The following CDC42BPB variants were observed in gnomAD, a reference collection of about 807,000 sequenced individuals.
CDC42BPB encodes serine/threonine-protein kinase MRCK beta.
CDC42BPB carries 37 observed loss-of-function variants against 214.9 expected under a neutral mutation model. That is an observed-to-expected ratio of 0.17 (90% CI 0.13 to 0.23). CDC42BPB has a LOEUF of 0.23. Among genes scored for constraint, CDC42BPB ranks in the 10% least tolerant of loss-of-function variants. CDC42BPB has a pLI of 1.00. For missense variants in CDC42BPB, 1,694 were observed against 2,227.0 expected (o/e 0.76, Z 4.82); for synonymous variants, 931 against 884.0 (o/e 1.05, Z -0.94).
intron 1 of CDC42BPB, among the ~76,000 whole-genome samples, chr14:103,016,467 G>T (rs540109718): frequency 9.4e-6 from 1 of 106,896 alleles, no homozygotes; most frequent in African/African-American, 3.2e-5. Context: ...CATCAGTGCC[G>T]GTGAAGCAGG....
Position 102,933,814 on chromosome 14 carries a change from AGTTGAGT to A in CDC42BPB, c.5027_5033del (p.His1676LeufsTer83). 1 of 1,518,838 alleles carries A rather than the reference AGTTGAGT, an allele frequency of 6.6e-7. No homozygotes were observed. The highest frequency in any genetic ancestry group is 8.8e-7 in the Non-Finnish European group (1 of 1,141,958). 94.1% of individuals were successfully genotyped at this position (1,518,838 alleles called of 1,614,324 possible). A position where few individuals can be genotyped will look rare whatever the true frequency, so the allele number is the denominator to read the frequency against. On this transcript the variant is annotated frameshift_variant, in exon 37 of 37. Coordinates refer to ENST00000361246, the MANE Select transcript of CDC42BPB (RefSeq NM_006035.4). LOFTEE classifies it high-confidence loss of function. ...CGCTGGGGTTGGAGCTATTCGATGG[AGTTGAGT>A]GTTTGGTGGAGTCCGAATCAGGCTG...
At chr14:103,024,429 G>T (rs184448078) in intron 1 of CDC42BPB, among the ~76,000 whole-genome samples, 1 of 152,264 alleles carries the variant, frequency 6.6e-6, no homozygotes, top group African/African-American at 2.4e-5. Flanking sequence ...TTCCTACCCC[G>T]CATTAAGAAG....
chr14:102,944,598 C>T lies in CDC42BPB; in HGVS notation c.3812-111G>A. ...GAACACTCTGGGGCCCTCCCCTGGGCTCCCTTCCTGTGTGCACAGCCTGAG... is the reference window on the plus strand; with the variant it reads ...GAACACTCTGGGGCCCTCCCCTGGGTTCCCTTCCTGTGTGCACAGCCTGAG... On this transcript the variant is annotated intron_variant, in intron 29 of 36. Coordinates refer to ENST00000361246, the MANE Select transcript of CDC42BPB (RefSeq NM_006035.4). This position sits in a 1 kb window ranked among gnomAD's most constrained non-coding sequence, Gnocchi z 6.6. The T allele has an allele frequency of 1.3e-6, 2 of 1,482,576 alleles. No individual in the cohort carries two copies. Among genetic ancestry groups the T allele is most frequent in the Non-Finnish European group, 1.8e-6 (2 of 1,118,482 alleles). 91.8% of individuals were successfully genotyped at this position (1,482,576 alleles called of 1,614,324 possible). A position where few individuals can be genotyped will look rare whatever the true frequency, so the allele number is the denominator to read the frequency against.
chr14:102,986,429 C>T (rs1894250291), intron 6 of CDC42BPB, 58 bp downstream of exon 6: 3 of 1,214,342 alleles, frequency 2.5e-6, no homozygotes, highest in Non-Finnish European at 3.6e-6. Context: ...GAAAACTTCC[C>T]TTCTGACTAT....
chr14:102,977,138 G>A (rs1893783666), intron 9 of CDC42BPB, among the ~76,000 whole-genome samples: 1 of 151,942 alleles, frequency 6.6e-6, no homozygotes, highest in African/African-American at 2.4e-5. Context: ...TCAGGAGATC[G>A]AGACCATCTG....
rs1470184457 is a variant in CDC42BPB at position 102,954,352 on chromosome 14, C to G, written c.2989-77G>C. The G allele has an allele frequency of 4.8e-6, 7 of 1,446,636 alleles. No individual in the cohort carries two copies. The African/African-American group carries it at 8.6e-5, about 18-fold the overall frequency. The allele number at this position is 1,446,636 out of a possible 1,614,324, so 89.6% of individuals were successfully genotyped here. On this transcript the variant is annotated intron_variant, in intron 22 of 36. Coordinates refer to ENST00000361246, the MANE Select transcript of CDC42BPB (RefSeq NM_006035.4). ...ACACCTGGCCCTACGGGGTGCACTT[C>G]TCTCAAGAATGTGTTAACAGTGAAC...
chr14:102,942,245 T>A (rs1205170885), intron 30 of CDC42BPB, among the ~76,000 whole-genome samples: 1 of 152,118 alleles, frequency 6.6e-6, no homozygotes, highest in East Asian at 1.9e-4. Flanking sequence ...ATGTCTGCTG[T>A]GGTGTGGCCA....
intron 32 of CDC42BPB, 30 bp downstream of exon 32, chr14:102,940,016 C>T (rs1891819076): frequency 1.2e-6 from 2 of 1,613,918 alleles, no homozygotes; most frequent in Non-Finnish European, 1.7e-6. Context: ...ACTTCCCTTC[C>T]CTCCACTCCC....
rs1595445823 is a variant in CDC42BPB at position 102,940,314 on chromosome 14, G to A, written c.4419C>T (p.Pro1473=). 1 of 1,572,900 alleles carries A rather than the reference G, an allele frequency of 6.4e-7. No homozygotes were observed. The highest frequency in any genetic ancestry group is 8.6e-7 in the Non-Finnish European group (1 of 1,159,252). The change falls in exon 31 of 37, where the codon CCC becomes CCT. Residue 1473 remains proline (P), a synonymous_variant. Coordinates refer to ENST00000361246, the MANE Select transcript of CDC42BPB (RefSeq NM_006035.4). ...ACTCGCTGTACACCGTGACGTGGGT[G>A]GGGCTGCAACCTAGCGCAGACGGAG... ...PAAPVACSCS[P]THVTVYSEYG... is the part of the protein sequence containing the mutation.
chr14:102,990,897 C>A (rs1332635157), intron 5 of CDC42BPB, among the ~76,000 whole-genome samples: 1 of 152,206 alleles, frequency 6.6e-6, no homozygotes. Context: ...TGTAGCCACA[C>A]TGATCACAAA....
chr14:102,963,314 G>T (rs532546985), intron 19 of CDC42BPB, 159 bp from the exon 20 acceptor site: 2 of 980,150 alleles, frequency 2.0e-6, no homozygotes, highest in African/African-American at 1.8e-5. Flanking sequence ...CAAACACCAT[G>T]AACAGTACGA....
intron 1 of CDC42BPB, among the ~76,000 whole-genome samples, chr14:103,053,347 AAAAAAAAAAG>A (rs1888722172): frequency 6.7e-6 from 1 of 149,306 alleles, no homozygotes. Context: ...ACTCCGTCTC[AAAAAAAAAAG>A]AAAAGAAAAG....
chr14:103,037,001 TAG>T lies in CDC42BPB; in HGVS notation c.175+19996_175+19997del, dbSNP rs541347829. Among the ~76,000 whole-genome samples, 19 of 152,064 alleles carry T rather than the reference TAG, an allele frequency of 1.2e-4. No individual in the cohort carries two copies. In the East Asian group the frequency reaches 3.7e-3, roughly 29 times the overall value. ...CAGCTAATTTTTGTGTTTTTTTTTG[TAG>T]AGACAGGGTTTCGCTATGCTGCCCA... On this transcript the variant is annotated intron_variant, in intron 1 of 36. Coordinates refer to ENST00000361246, the MANE Select transcript of CDC42BPB (RefSeq NM_006035.4).
rs981666276 is a variant in CDC42BPB at position 102,956,909 on chromosome 14, T to G, written c.2902-2221A>C. ...TAAATCAATTATGGGCCAGGCATGG[T>G]GGCTCACACCTGTAATCCCAGCACT... On this transcript the variant is annotated intron_variant, in intron 21 of 36. Transcript: ENST00000361246. Among the ~76,000 whole-genome samples, 2 of 150,538 alleles carry G rather than the reference T, an allele frequency of 1.3e-5. 1 individual carries two copies. Among genetic ancestry groups the G allele is most frequent in the Non-Finnish European group, 2.9e-5 (2 of 67,830 alleles).
In CDC42BPB at chr14:102,933,799, G is replaced by A. The variant is rs772966692; in HGVS notation, c.5049C>T (p.Ser1683=). The A allele has an allele frequency of 6.0e-6, 9 of 1,511,748 alleles. No individual in the cohort carries two copies. The highest frequency in any genetic ancestry group is 6.1e-6 in the Non-Finnish European group (7 of 1,140,502). The allele number at this position is 1,511,748 out of a possible 1,614,324, so 93.6% of individuals were successfully genotyped here. The change falls in exon 37 of 37, where the codon TCC becomes TCT. Residue 1683 remains serine (S), a synonymous_variant. Coordinates refer to ENST00000361246, the MANE Select transcript of CDC42BPB (RefSeq NM_006035.4). ...TGGGGCTCGGTGGGCCGCTGGGGTTGGAGCTATTCGATGGAGTTGAGTGTT... is the reference window on the plus strand; with the variant it reads ...TGGGGCTCGGTGGGCCGCTGGGGTTAGAGCTATTCGATGGAGTTGAGTGTT... ...STKHSTPSNS[S]NPSGPPSPNS...
rs1315568094 is a variant in CDC42BPB, at chr14:102,952,484, G to C, written c.3172+14C>G. ...GCTGTGCACGCTGACCCCAGGAGCT[G>C]CAACGACACTCACCCTCGCAGGCGT... On this transcript the variant is annotated intron_variant, in intron 24 of 36. Coordinates refer to ENST00000361246, the MANE Select transcript of CDC42BPB (RefSeq NM_006035.4). 1 of 1,573,484 alleles carries C rather than the reference G, an allele frequency of 6.4e-7. No homozygotes were observed. The highest frequency in any genetic ancestry group is 1.3e-5 in the African/African-American group (1 of 74,196).
rs755233914 is a variant in CDC42BPB, at chr14:102,974,042, G to C, written c.1615C>G (p.Arg539Gly). 2 of 1,611,392 alleles carry C rather than the reference G, an allele frequency of 1.2e-6. No individual in the cohort carries two copies. The highest frequency in any genetic ancestry group is 3.4e-5 in the Admixed American group (2 of 59,004). The change falls in exon 12 of 37, where the codon CGG (arginine) becomes GGG (glycine). Residue 539 changes from arginine to glycine, a missense_variant. Arg to Gly is a moderately radical substitution (Grantham distance 125, BLOSUM62 -2). Coordinates refer to ENST00000361246, the MANE Select transcript of CDC42BPB (RefSeq NM_006035.4). The part of the protein sequence containing the change: ...RGLEKQHRVV[R>G]QEKEELHKQL... ...TTGTGCAGCTCCTCCTTCTCCTGCC[G>C]GACCACGCGGTGCTGCTTCTCCAGC... is the stretch of plus-strand genomic sequence containing the variant.
rs71119751 is a variant in CDC42BPB, at chr14:103,048,532, C to CAAAAAAAAAAAAAA, written c.175+8453_175+8466dup. On this transcript the variant is annotated intron_variant, in intron 1 of 36. Transcript: ENST00000361246. Reference sequence around the variant, plus strand: ...TGAAACCCTGTTTCTACTAAAAATACAAAAAAAAAAAAAAAAAAAAAAAAA... The same window carrying CAAAAAAAAAAAAAA: ...TGAAACCCTGTTTCTACTAAAAATACAAAAAAAAAAAAAAAAAAAAAAAAAAAAAAAAAAAAAAA... Among the ~76,000 whole-genome samples the CAAAAAAAAAAAAAA allele has an allele frequency of 2.1e-3, 88 of 42,642 alleles. 8 individuals are homozygous for CAAAAAAAAAAAAAA. Among genetic ancestry groups the CAAAAAAAAAAAAAA allele is most frequent in the Middle Eastern group, 0.021 (1 of 48 alleles). The allele number at this position is 42,642 out of a possible 152,430, so 28.0% of individuals were successfully genotyped here.
chr14:103,056,463 G>A (rs1457590031), intron 1 of CDC42BPB, among the ~76,000 whole-genome samples: 1 of 152,118 alleles, frequency 6.6e-6, no homozygotes, highest in Non-Finnish European at 1.5e-5. Flanking sequence ...AGTGGGCGAG[G>A]CAGATGCAGA....
Sources: gnomAD v4.1 joint callset for allele counts (sites outside exome capture counted in the v4.1 genomes callset) on GRCh38, gnomAD v4.1.1 for gene constraint, Gnocchi (gnomAD v3.1) non-coding constraint, MANE v1.5 for transcripts, NCBI Gene and HGNC (gene_info 2026-07-23, HGNC 2026-07-21) for gene names.